SNTG2: variants seen among roughly 807,000 people sequenced by gnomAD.
SNTG2 encodes the protein syntrophin gamma 2, also known as gamma-2-syntrophin.
A neutral mutation model predicts 70.9 loss-of-function variants in SNTG2; 74 were observed. The observed-to-expected ratio is 1.04, with a 90% CI of 0.86 to 1.27. The LOEUF is 1.27. SNTG2 is among the 50% of genes most tolerant of loss of function. The pLI is 0.00. For synonymous variants in SNTG2, 278 were observed against 273.8 expected (o/e 1.02, Z -0.15); for missense variants, 717 against 690.7 (o/e 1.04, Z -0.43).
intron 16 of SNTG2, among the ~76,000 whole-genome samples, chr2:1,322,031 C>T (rs1014721689): frequency 6.6e-6 from 1 of 152,016 alleles, no homozygotes; most frequent in African/African-American, 2.4e-5. Context: ...TCGATTCATT[C>T]CAGAAAAATG....
chr2:1,125,860 G>T (rs1324874248), intron 4 of SNTG2, among the ~76,000 whole-genome samples: 2 of 151,742 alleles, frequency 1.3e-5, no homozygotes, highest in Non-Finnish European at 2.9e-5. Flanking sequence ...GTGAAGCTGT[G>T]TTTTTTTTAA....
At chr2:1,019,732 C>T (rs764378458) in intron 1 of SNTG2, among the ~76,000 whole-genome samples, 5 of 152,076 alleles carry the variant, frequency 3.3e-5, no homozygotes, top group Non-Finnish European at 7.4e-5. Flanking sequence ...GAGGCTCATG[C>T]GAGGTGGGCG....
intron 8 of SNTG2, among the ~76,000 whole-genome samples, chr2:1,197,660 A>G (rs72768823): frequency 0.064 from 9,759 of 151,438 alleles, 428 homozygotes; most frequent in East Asian, 0.21. Context: ...ACCTCCTCCC[A>G]AGTATCTGGG....
intron 8 of SNTG2, among the ~76,000 whole-genome samples, chr2:1,204,762 A>G (rs775154251): frequency 1.3e-5 from 2 of 152,216 alleles, no homozygotes; most frequent in Non-Finnish European, 2.9e-5. Context: ...ACTTTATTAT[A>G]AGTGTGTGTG....
chr2:1,173,942 A>G (rs1036157636), intron 8 of SNTG2, among the ~76,000 whole-genome samples: 9 of 152,256 alleles, frequency 5.9e-5, no homozygotes, highest in African/African-American at 2.2e-4. Context: ...TTTATTATAA[A>G]TCATTCCAGT....
chr2:1,043,606 G>A lies in SNTG2; in HGVS notation c.73-39912G>A, dbSNP rs139945117. Among the ~76,000 whole-genome samples, 315 of 152,246 alleles carry A rather than the reference G, an allele frequency of 2.1e-3. 7 individuals carry two copies. The East Asian group carries it at 0.055, about 27-fold the overall frequency. On this transcript the variant is annotated intron_variant, in intron 1 of 16. Coordinates refer to ENST00000308624, the MANE Select transcript of SNTG2 (RefSeq NM_018968.4). ...ATTTTTGTATGTGGTAAAAGGAAGA[G>A]GTCCAGTTTCAATCTTCTGCATATG...
chr2:1,267,213 G>A (rs911261631), intron 13 of SNTG2, among the ~76,000 whole-genome samples, 152 bp from the exon 14 acceptor site: 1 of 152,220 alleles, frequency 6.6e-6, no homozygotes, highest in Admixed American at 6.5e-5. Context: ...CTGTGCATGA[G>A]AGGGCTCATT....
chr2:1,203,672 A>AT (rs200340785), intron 8 of SNTG2, among the ~76,000 whole-genome samples: 9,731 of 95,822 alleles, frequency 0.1, 405 homozygotes, highest in Middle Eastern at 0.14. Context: ...ACAAAAAAAA[A>AT]AATATATATA....
chr2:1,331,778 T>C (rs1659546011), intron 16 of SNTG2, among the ~76,000 whole-genome samples: 1 of 152,200 alleles, frequency 6.6e-6, no homozygotes, highest in African/African-American at 2.4e-5. Flanking sequence ...AGTAAAGGTA[T>C]GATAAGCCTG....
At chr2:984,257 AG>A (rs1161740485) in intron 1 of SNTG2, among the ~76,000 whole-genome samples, 1 of 130,812 alleles carries the variant, frequency 7.6e-6, no homozygotes, top group African/African-American at 2.9e-5. Flanking sequence ...AAAGAAACAA[AG>A]CTTTTTTTTT....
chr2:1,316,492 C>A, intron 16 of SNTG2, 117 bp downstream of exon 16: 1 of 305,476 alleles, frequency 3.3e-6, no homozygotes, highest in South Asian at 6.8e-5. Context: ...ACCAATAGGT[C>A]CTGAAGCACG....
rs1362536827 is a variant in SNTG2 at position 1,051,120 on chromosome 2, T to TTTTTC, written c.73-32397_73-32393dup. 9.0e-5 allele frequency among the ~76,000 whole-genome samples: 13 copies of TTTTTC among 143,650 alleles called. 1 individual carries two copies. The highest frequency in any genetic ancestry group is 2.5e-4 in the African/African-American group (10 of 39,404). The allele number at this position is 143,650 out of a possible 152,430, so 94.2% of individuals were successfully genotyped here. ...CATCTATGAAAAATGCTGGTTTTATTTTTTCAATGTTTACACATTTCCTTC... is the reference window on the plus strand; with the variant it reads ...CATCTATGAAAAATGCTGGTTTTATTTTTTCTTTTCAATGTTTACACATTTCCTTC... On this transcript the variant is annotated intron_variant, in intron 1 of 16. Transcript: ENST00000308624.
intron 8 of SNTG2, among the ~76,000 whole-genome samples, chr2:1,194,680 A>G (rs1402103538): frequency 6.6e-6 from 1 of 152,160 alleles, no homozygotes; most frequent in Non-Finnish European, 1.5e-5. Flanking sequence ...TAAAGGTGAA[A>G]ATTATGAACA....
intron 1 of SNTG2, among the ~76,000 whole-genome samples, chr2:1,060,451 A>G (rs1345520413): frequency 2.0e-5 from 3 of 152,172 alleles, no homozygotes; most frequent in African/African-American, 7.2e-5. Context: ...CCTGGAACCA[A>G]AGACACCCTC....
At chr2:1,351,271 AG>A (rs371596470) in intron 16 of SNTG2, among the ~76,000 whole-genome samples, 2 of 152,134 alleles carry the variant, frequency 1.3e-5, no homozygotes, top group African/African-American at 4.8e-5. Context: ...CTGGAGGCAC[AG>A]GAAGAGGCAA....
chr2:1,262,652 G>GGCAACCGGAAGGC, intron 13 of SNTG2, among the ~76,000 whole-genome samples: 1 of 152,206 alleles, frequency 6.6e-6, no homozygotes, highest in Middle Eastern at 3.4e-3. Flanking sequence ...TCCAGACGTA[G>GGCAACCGGAAGGC]TAACCGGAAG....
chr2:1,088,710 C>T (rs771398780), intron 2 of SNTG2, among the ~76,000 whole-genome samples: 7 of 152,170 alleles, frequency 4.6e-5, no homozygotes, highest in African/African-American at 1.4e-4. Flanking sequence ...ATTCTTCCCT[C>T]GTTATGTTCT....
chr2:976,489 C>T (rs62105734), intron 1 of SNTG2, among the ~76,000 whole-genome samples: 11,955 of 152,294 alleles, frequency 0.078, 697 homozygotes, highest in South Asian at 0.2. Flanking sequence ...GTCCCCACCT[C>T]CCTGTCCTTG....
chr2:1,076,768 C>G (rs1372139531), intron 1 of SNTG2, among the ~76,000 whole-genome samples: 2 of 152,054 alleles, frequency 1.3e-5, no homozygotes, highest in Non-Finnish European at 2.9e-5. Context: ...GAAGGTAAAT[C>G]AACTTTAGTA....
Sources: gnomAD v4.1 joint callset for allele counts (sites outside exome capture counted in the v4.1 genomes callset) on GRCh38, gnomAD v4.1.1 for gene constraint, MANE v1.5 for transcripts, NCBI Gene and HGNC (gene_info 2026-07-23, HGNC 2026-07-21) for gene names.